Variants in CTNNA2 observed in about 807,000 individuals in gnomAD.
CTNNA2 encodes catenin alpha-2.
Under a neutral mutation model 101.0 loss-of-function variants are expected in CTNNA2, and 42 were observed. The ratio of observed to expected loss-of-function variants is 0.42; its 90% CI spans 0.32 to 0.54. CTNNA2 has a LOEUF of 0.54. Among genes scored for constraint, CTNNA2 ranks in the 20% least tolerant of loss-of-function variants. The pLI is 0.14. For synonymous variants in CTNNA2, 450 were observed against 456.4 expected (o/e 0.99, Z 0.18); for missense variants, 871 against 1,223.1 (o/e 0.71, Z 4.29).
At chr2:80,419,384 A>T in intron 8 of CTNNA2, 65 bp from the exon 9 acceptor site, 1 of 1,369,684 alleles carries the variant, frequency 7.3e-7, no homozygotes, top group African/African-American at 1.4e-5. Context: ...ACAGTTTAGA[A>T]AAAAAATGGG....
At chr2:80,105,402 GTACATAAAGCTT>G (rs1028805574) in intron 7 of CTNNA2, among the ~76,000 whole-genome samples, 1 of 152,320 alleles carries the variant, frequency 6.6e-6, no homozygotes, top group Non-Finnish European at 1.5e-5. Context: ...GGTTTATCAG[GTACATAAAGCTT>G]TACCTATCAC....
intron 7 of CTNNA2, among the ~76,000 whole-genome samples, chr2:80,217,951 T>C (rs7425640): frequency 6.6e-6 from 1 of 152,242 alleles, no homozygotes; most frequent in Non-Finnish European, 1.5e-5. Context: ...AATGAGGCCA[T>C]ATCACAGGTT....
At position 79,945,249 on chromosome 2, in the gene CTNNA2, C is replaced by T. The variant is rs549431726; in HGVS notation, c.1056+35452C>T. On this transcript the variant is annotated intron_variant, in intron 7 of 18. Transcript: ENST00000402739. ...AGAGACAGGGTCTCGCTATGTTGCCCAGGCTGGTCTTACATTCCTGGGCTC... is the reference window on the plus strand; with the variant it reads ...AGAGACAGGGTCTCGCTATGTTGCCTAGGCTGGTCTTACATTCCTGGGCTC... Among the ~76,000 whole-genome samples, 19 of 152,214 alleles carry T rather than the reference C, an allele frequency of 1.2e-4. No homozygotes were observed. In the South Asian group the frequency reaches 3.9e-3, roughly 32 times the overall value.
chr2:79,352,954 G>A (rs1443933499), intron 3 of CTNNA2, among the ~76,000 whole-genome samples: 1 of 152,124 alleles, frequency 6.6e-6, no homozygotes, highest in Admixed American at 6.6e-5. Context: ...AGGAGAAAGA[G>A]AGCAAAGGGG....
At chr2:79,920,609 C>T (rs1489231668) in intron 7 of CTNNA2, among the ~76,000 whole-genome samples, 5 of 152,164 alleles carry the variant, frequency 3.3e-5, no homozygotes, top group African/African-American at 1.2e-4. Flanking sequence ...GCTTGGAACC[C>T]AATGATTGAT....
intron 8 of CTNNA2, among the ~76,000 whole-genome samples, chr2:80,395,120 T>C (rs1339508832): frequency 6.6e-6 from 1 of 152,224 alleles, no homozygotes; most frequent in East Asian, 1.9e-4. Context: ...TGACTCTTTT[T>C]AGCAGAGGAC....
chr2:79,741,177 T>G (rs1323463952), intron 2 of CTNNA2, among the ~76,000 whole-genome samples: 1 of 152,136 alleles, frequency 6.6e-6, no homozygotes, highest in African/African-American at 2.4e-5. Context: ...GACCCAACTT[T>G]TTCACCTACT....
intron 3 of CTNNA2, among the ~76,000 whole-genome samples, chr2:79,339,109 G>C (rs1677071720): frequency 6.7e-6 from 1 of 148,758 alleles, no homozygotes; most frequent in Non-Finnish European, 1.5e-5. Context: ...ACAGGTATTA[G>C]TGAGTTTCTG....
At chr2:79,895,141 C>T (rs1684610665) in intron 6 of CTNNA2, among the ~76,000 whole-genome samples, 1 of 152,162 alleles carries the variant, frequency 6.6e-6, no homozygotes, top group Admixed American at 6.5e-5. Context: ...AACAGATGTG[C>T]ATCACAATTC....
intron 7 of CTNNA2, among the ~76,000 whole-genome samples, chr2:79,914,185 A>G (rs55999555): frequency 7.6e-6 from 1 of 131,532 alleles, no homozygotes; most frequent in African/African-American, 2.9e-5. Context: ...AAAAAAAAAA[A>G]AAAAGAAAGT....
At chr2:79,360,912 A>C (rs1156649083) in intron 3 of CTNNA2, among the ~76,000 whole-genome samples, 1 of 152,136 alleles carries the variant, frequency 6.6e-6, no homozygotes, top group African/African-American at 2.4e-5. Context: ...GAAGATCATA[A>C]AATGCTATAT....
intron 3 of CTNNA2, among the ~76,000 whole-genome samples, chr2:79,847,644 GC>G (rs1680345279): frequency 6.9e-6 from 1 of 144,148 alleles, no homozygotes; most frequent in Admixed American, 7.1e-5. Context: ...CCTGGATTTT[GC>G]ATCTGTTAAA....
chr2:79,384,989 G>GC (rs1678081887), intron 4 of CTNNA2, among the ~76,000 whole-genome samples: 1 of 152,148 alleles, frequency 6.6e-6, no homozygotes, highest in South Asian at 2.1e-4. Flanking sequence ...AGAGTTAAAT[G>GC]CCTATCACAG....
intron 7 of CTNNA2, among the ~76,000 whole-genome samples, chr2:80,091,750 G>A (rs143026312): frequency 2.9e-3 from 443 of 152,106 alleles, no homozygotes; most frequent in African/African-American, 6.5e-3. Context: ...AATGGAGCAC[G>A]AAATAGTTTC....
intron 7 of CTNNA2, among the ~76,000 whole-genome samples, chr2:80,064,263 G>T (rs543022582): frequency 6.6e-6 from 1 of 152,176 alleles, no homozygotes; most frequent in Admixed American, 6.5e-5. Context: ...CAAAATGATG[G>T]ATTCCTAGCC....
At chr2:80,563,367 G>A (rs549929992) in intron 12 of CTNNA2, among the ~76,000 whole-genome samples, 1 of 152,306 alleles carries the variant, frequency 6.6e-6, no homozygotes, top group South Asian at 2.1e-4. Flanking sequence ...TATGCTAACA[G>A]CCACTCATTT....
chr2:79,526,354 A>G (rs893164659), intron 1 of CTNNA2, among the ~76,000 whole-genome samples: 2 of 152,082 alleles, frequency 1.3e-5, no homozygotes, highest in African/African-American at 2.4e-5. Flanking sequence ...GACCTAAAAA[A>G]TGGAAATATA....
intron 2 of CTNNA2, among the ~76,000 whole-genome samples, chr2:79,731,037 T>A (rs1044751141): frequency 5.3e-5 from 8 of 152,024 alleles, no homozygotes; most frequent in Non-Finnish European, 1.2e-4. Flanking sequence ...GAAATTAATA[T>A]CAAACACTGT....
intron 7 of CTNNA2, among the ~76,000 whole-genome samples, chr2:79,939,050 G>A (rs555296709): frequency 6.6e-6 from 1 of 152,178 alleles, no homozygotes; most frequent in South Asian, 2.1e-4. Context: ...TGGAGCCATG[G>A]AAAAACAGAG....
Sources: gnomAD v4.1 joint callset for allele counts (sites outside exome capture counted in the v4.1 genomes callset) on GRCh38, gnomAD v4.1.1 for gene constraint, MANE v1.5 for transcripts, NCBI Gene and HGNC (gene_info 2026-07-23, HGNC 2026-07-21) for gene names.